ZFAT: variants seen among roughly 807,000 people sequenced by gnomAD.
ZFAT encodes the protein zinc finger protein ZFAT.
ZFAT carries 64 observed loss-of-function variants against 117.7 expected under a neutral mutation model. The observed-to-expected ratio is 0.54, with a 90% CI of 0.44 to 0.67. ZFAT has a LOEUF of 0.67. ZFAT is among the 30% of genes least tolerant of loss of function. ZFAT has a pLI of 0.00. For synonymous variants in ZFAT, 679 were observed against 615.0 expected, an observed-to-expected ratio of 1.10 and a Z score of -1.54; for missense variants, 1,433 against 1,584.5, an observed-to-expected ratio of 0.90 and a Z score of 1.62.
At chr8:134,533,071 A>C in intron 11 of ZFAT, 99 bp from the exon 12 acceptor site, 1 of 1,481,122 alleles carries the variant, frequency 6.8e-7, no homozygotes, top group Non-Finnish European at 9.0e-7. Context: ...TGAAAGCCTG[A>C]GATGAGCAGG....
chr8:134,765,523 TGTG>T, the ZFAT span: 1 of 152,168 alleles, frequency 6.6e-6, no homozygotes, highest in Non-Finnish European at 1.5e-5. Context: ...ATGAGAAAAA[TGTG>T]GCTCAGACAG....
At chr8:134,604,306 C>A (rs142632046) in intron 5 of ZFAT, among the ~76,000 whole-genome samples, 108 of 152,310 alleles carry the variant, frequency 7.1e-4, no homozygotes, top group Non-Finnish European at 1.3e-3. Flanking sequence ...GACTCTCTGA[C>A]TCTAGAGCCT....
intron 1 of ZFAT, among the ~76,000 whole-genome samples, chr8:134,706,730 G>A (rs1429640191): frequency 6.6e-6 from 1 of 152,018 alleles, no homozygotes; most frequent in African/African-American, 2.4e-5. Flanking sequence ...TGGTTGCTTG[G>A]GGTGAGGAGC....
At chr8:134,648,042 C>T (rs903217501) in intron 2 of ZFAT, among the ~76,000 whole-genome samples, 3 of 152,026 alleles carry the variant, frequency 2.0e-5, no homozygotes, top group Non-Finnish European at 4.4e-5. Context: ...GTTTTCACCA[C>T]GTACATACAA....
rs767818392 is a variant in ZFAT, at chr8:134,637,736, A to G, written c.197-24T>C. 35 of 1,605,946 alleles carry G rather than the reference A, an allele frequency of 2.2e-5. No homozygotes were observed. The East Asian group carries it at 7.6e-4, about 35-fold the overall frequency. On this transcript the variant is annotated intron_variant, in intron 2 of 15. Coordinates refer to ENST00000377838, the MANE Select transcript of ZFAT (RefSeq NM_020863.4). ...CTCTACAGAGGAAACAAGAGGGCAC[A>G]ATGGAATCACGTGAGACGGCAGTGC...
intron 4 of ZFAT, 51 bp downstream of exon 4, chr8:134,610,419 C>A (rs368788377): frequency 1.3e-6 from 2 of 1,562,380 alleles, no homozygotes; most frequent in East Asian, 4.5e-5. Flanking sequence ...CTGCCCTTGG[C>A]ACAGACTTGC....
chr8:134,608,977 A>G, intron 4 of ZFAT, 98 bp from the exon 5 acceptor site: 1 of 1,352,476 alleles, frequency 7.4e-7, no homozygotes, highest in South Asian at 1.6e-5. Context: ...GTCTATTTCT[A>G]TACTGTCTGA....
intron 7 of ZFAT, among the ~76,000 whole-genome samples, chr8:134,592,111 C>A (rs953017595): frequency 6.6e-6 from 1 of 152,210 alleles, no homozygotes; most frequent in African/African-American, 2.4e-5. Context: ...CCACTCCACG[C>A]TCACTTGGAT....
the ZFAT span, among the ~76,000 whole-genome samples, chr8:134,786,842 T>A: frequency 1.3e-5 from 1 of 78,678 alleles, no homozygotes. Context: ...ATATCAAGCT[T>A]TTTTTTTTTT....
At chr8:134,550,783 C>T (rs16905174) in intron 11 of ZFAT, among the ~76,000 whole-genome samples, 17,126 of 152,104 alleles carry the variant, frequency 0.11, 1,189 homozygotes, top group East Asian at 0.35. Flanking sequence ...CATTTCAAAC[C>T]AATTTAACAA....
intron 10 of ZFAT, among the ~76,000 whole-genome samples, chr8:134,579,706 T>C (rs1352472650): frequency 6.6e-6 from 1 of 152,042 alleles, no homozygotes; most frequent in Non-Finnish European, 1.5e-5. Flanking sequence ...ACCCCAGCAC[T>C]TTGGGAGGCC....
chr8:134,790,232 G>C, the ZFAT span, among the ~76,000 whole-genome samples: 1 of 152,148 alleles, frequency 6.6e-6, no homozygotes, highest in Admixed American at 6.5e-5. Context: ...TTATATTTTG[G>C]GATGATGTCC....
chr8:134,525,000 A>C (rs1160352931), intron 12 of ZFAT, among the ~76,000 whole-genome samples: 2 of 152,230 alleles, frequency 1.3e-5, no homozygotes, highest in Non-Finnish European at 2.9e-5. Context: ...TGGGATGGTG[A>C]AGTAACCCTA....
At chr8:134,531,064 C>A (rs1821370466) in intron 12 of ZFAT, among the ~76,000 whole-genome samples, 1 of 152,108 alleles carries the variant, frequency 6.6e-6, no homozygotes, top group South Asian at 2.1e-4. Flanking sequence ...CCAAAAGCAA[C>A]CCTGCAAAGA....
chr8:134,516,462 A>G (rs1383227437), intron 13 of ZFAT, among the ~76,000 whole-genome samples: 1 of 152,202 alleles, frequency 6.6e-6, no homozygotes, highest in Non-Finnish European at 1.5e-5. Flanking sequence ...AAATATTTCA[A>G]AAGAAAAAAC....
chr8:134,497,079 C>A (rs73709611), intron 15 of ZFAT, among the ~76,000 whole-genome samples: 1 of 152,186 alleles, frequency 6.6e-6, no homozygotes, highest in Non-Finnish European at 1.5e-5. Context: ...TCAGCACGGG[C>A]GGGGTAGGTC....
intron 15 of ZFAT, among the ~76,000 whole-genome samples, chr8:134,493,517 T>C (rs1022860582): frequency 2.6e-5 from 4 of 152,240 alleles, no homozygotes; most frequent in Non-Finnish European, 4.4e-5. Flanking sequence ...CTCGGCAGTC[T>C]AGGCATTGCT....
chr8:134,728,898 C>CT, the ZFAT span, among the ~76,000 whole-genome samples: 1 of 151,894 alleles, frequency 6.6e-6, no homozygotes, highest in Non-Finnish European at 1.5e-5. Flanking sequence ...GAGTTCATTC[C>CT]TTTTTTTCCA....
At chr8:134,739,287 ATGTGTGTGTGTGTGTGTG>A in the ZFAT span, among the ~76,000 whole-genome samples, 11 of 150,386 alleles carry the variant, frequency 7.3e-5, no homozygotes, top group African/African-American at 2.5e-4. Context: ...GTGTGTAGAG[ATGTGTGTGTGTGTGTGTG>A]TGTGTGTGTG....
Sources: gnomAD v4.1 joint callset for allele counts (sites outside exome capture counted in the v4.1 genomes callset) on GRCh38, gnomAD v4.1.1 for gene constraint, MANE v1.5 for transcripts, NCBI Gene and HGNC (gene_info 2026-07-23, HGNC 2026-07-21) for gene names.